Variants in CLIC5 observed in about 807,000 individuals in gnomAD.
The protein encoded by CLIC5 is chloride intracellular channel protein 5.
A neutral mutation model predicts 24.7 loss-of-function variants in CLIC5; 20 were observed. That is an observed-to-expected ratio of 0.81 (90% confidence interval 0.57 to 1.18). The LOEUF is 1.18. Among genes scored for constraint, CLIC5 ranks in the 50% most tolerant of loss-of-function variants. The probability of loss-of-function intolerance (pLI) is 0.00; values close to 1 mark genes in which losing one functional copy is unlikely to be tolerated. For synonymous variants in CLIC5, 159 were observed against 135.6 expected (o/e 1.17, Z -1.20); for missense variants, 341 against 326.1 (o/e 1.05, Z -0.35).
intron 1 of CLIC5, among the ~76,000 whole-genome samples, chr6:46,048,942 G>A (rs138169177): frequency 1.3e-5 from 2 of 152,288 alleles, no homozygotes; most frequent in East Asian, 3.9e-4. Context: ...AATCTAATTT[G>A]AGAATTCAAA....
chr6:46,108,543 C>T, the CLIC5 span, among the ~76,000 whole-genome samples: 1 of 151,956 alleles, frequency 6.6e-6, no homozygotes, highest in Admixed American at 6.6e-5. Flanking sequence ...ATTACAGGTG[C>T]CCACCACCAC....
intron 4 of CLIC5, among the ~76,000 whole-genome samples, chr6:45,923,122 T>C (rs924363356): frequency 9.9e-5 from 15 of 152,250 alleles, no homozygotes; most frequent in Non-Finnish European, 2.1e-4. Flanking sequence ...TAATAGAAAG[T>C]ACGGCATAAA....
chr6:46,064,778 T>C (rs1488196067), intron 1 of CLIC5, among the ~76,000 whole-genome samples: 1 of 152,080 alleles, frequency 6.6e-6, no homozygotes, highest in Non-Finnish European at 1.5e-5. Context: ...AATCCATATG[T>C]TGTACCATAT....
chr6:46,049,881 T>C (rs1768055677), intron 1 of CLIC5, among the ~76,000 whole-genome samples: 1 of 152,228 alleles, frequency 6.6e-6, no homozygotes, highest in Non-Finnish European at 1.5e-5. Flanking sequence ...TCAAGGTTTT[T>C]TGACTGATGT....
chr6:46,101,630 C>T, the CLIC5 span, among the ~76,000 whole-genome samples: 2 of 152,154 alleles, frequency 1.3e-5, no homozygotes, highest in African/African-American at 4.8e-5. Context: ...GGAGATTTGG[C>T]TATTATCTCT....
chr6:46,114,493 A>T, the CLIC5 span, among the ~76,000 whole-genome samples: 1 of 152,106 alleles, frequency 6.6e-6, no homozygotes, highest in African/African-American at 2.4e-5. Context: ...ACATTCTGTC[A>T]GGTTAACTGC....
At chr6:45,956,889 C>T (rs1339714536) in intron 1 of CLIC5, among the ~76,000 whole-genome samples, 1 of 152,096 alleles carries the variant, frequency 6.6e-6, no homozygotes, top group Admixed American at 6.5e-5. Flanking sequence ...CTACACCTTC[C>T]CACGGAGGTA....
intron 1 of CLIC5, among the ~76,000 whole-genome samples, chr6:46,056,718 C>T (rs1768267068): frequency 6.6e-6 from 1 of 152,052 alleles, no homozygotes; most frequent in Non-Finnish European, 1.5e-5. Context: ...TACATGAAAG[C>T]CTTATTGGGG....
intron 6 of CLIC5, among the ~76,000 whole-genome samples, chr6:45,881,429 C>CTCAG (rs1486104440): frequency 2.0e-5 from 3 of 152,132 alleles, no homozygotes; most frequent in Admixed American, 2.0e-4. Context: ...TGCAGTGCAT[C>CTCAG]TCAGCTGAAG....
At chr6:46,052,861 A>G (rs923685365) in intron 1 of CLIC5, among the ~76,000 whole-genome samples, 2 of 152,012 alleles carry the variant, frequency 1.3e-5, no homozygotes, top group East Asian at 3.9e-4. Flanking sequence ...TCTTTCTGGC[A>G]TCTGGAGATC....
intron 1 of CLIC5, among the ~76,000 whole-genome samples, chr6:45,960,677 G>T (rs866778385): frequency 4.6e-5 from 7 of 152,208 alleles, no homozygotes; most frequent in African/African-American, 1.4e-4. Flanking sequence ...CCTATGGCCA[G>T]TGTGTCCACA....
intron 4 of CLIC5, 163 bp from the exon 5 acceptor site, chr6:45,914,572 T>C (rs761066350): frequency 3.1e-5 from 38 of 1,237,060 alleles, no homozygotes; most frequent in Non-Finnish European, 3.7e-5. Flanking sequence ...CACAATGCAG[T>C]AGAAGTGTAC....
chr6:46,098,972 C>T, the CLIC5 span, among the ~76,000 whole-genome samples: 2 of 152,354 alleles, frequency 1.3e-5, no homozygotes, highest in African/African-American at 4.8e-5. Context: ...GGGGAACCAG[C>T]ACTGGCTGCG....
chr6:46,074,829 T>A (rs1400274202), intron 1 of CLIC5, among the ~76,000 whole-genome samples: 1 of 152,216 alleles, frequency 6.6e-6, no homozygotes, highest in Non-Finnish European at 1.5e-5. Flanking sequence ...GACTGTAAGA[T>A]CTAGGAAAGA....
In CLIC5 at chr6:46,015,778, C is replaced by A; in HGVS notation, c.-236G>T. 8.1e-7 allele frequency: 1 copy of A among 1,227,196 alleles called. No homozygotes were observed. The highest frequency in any genetic ancestry group is 1.0e-6 in the Non-Finnish European group (1 of 984,062). 76.0% of individuals were successfully genotyped at this position (1,227,196 alleles called of 1,614,324 possible). ...AGGAGGCGGGGGGCCACGGGGAAAGCCGGGTTAAGGGAATGACAACAGGTC... is the reference window on the plus strand; with the variant it reads ...AGGAGGCGGGGGGCCACGGGGAAAGACGGGTTAAGGGAATGACAACAGGTC... On this transcript the variant is annotated 5_prime_UTR_variant, in exon 1 of 6. Transcript: ENST00000339561.
At chr6:46,030,264 A>G (rs1256559583) in intron 1 of CLIC5, among the ~76,000 whole-genome samples, 3 of 152,182 alleles carry the variant, frequency 2.0e-5, no homozygotes, top group African/African-American at 7.2e-5. Context: ...TCCTATCACT[A>G]AAACCAGAAA....
intron 5 of CLIC5, chr6:45,913,793 G>A (rs1762908117): frequency 8.1e-7 from 1 of 1,231,472 alleles, no homozygotes; most frequent in Non-Finnish European, 1.0e-6. Context: ...GAAGTTGCTG[G>A]AGGAAGTGAG....
chr6:45,945,110 T>C (rs1425920233), intron 3 of CLIC5, among the ~76,000 whole-genome samples: 1 of 152,216 alleles, frequency 6.6e-6, no homozygotes, highest in African/African-American at 2.4e-5. Flanking sequence ...ACCAATTGTC[T>C]GTACAATTGC....
At chr6:45,945,565 C>T (rs1036382021) in intron 3 of CLIC5, among the ~76,000 whole-genome samples, 4 of 152,162 alleles carry the variant, frequency 2.6e-5, no homozygotes, top group Non-Finnish European at 5.9e-5. Flanking sequence ...GGCCACCCTA[C>T]CCTCTCAGAA....
Sources: allele counts gnomAD v4.1 joint callset (sites outside exome capture counted in the v4.1 genomes callset), GRCh38; gene constraint gnomAD v4.1.1; transcripts MANE v1.5; gene names NCBI Gene and HGNC (gene_info 2026-07-23, HGNC 2026-07-21).